Variants in PRDM5 observed in about 807,000 individuals in gnomAD.
The protein encoded by PRDM5 is PR domain zinc finger protein 5.
Under a neutral mutation model 81.2 loss-of-function variants are expected in PRDM5, and 56 were observed. The observed-to-expected ratio is 0.69, with a 90% confidence interval of 0.56 to 0.86. The LOEUF (loss-of-function observed/expected upper bound fraction) is 0.86. Among genes scored for constraint, PRDM5 ranks in the 40% least tolerant of loss-of-function variants. The pLI is 0.00. For synonymous variants in PRDM5, 267 were observed against 256.4 expected, an observed-to-expected ratio of 1.04 and a Z score of -0.39; for missense variants, 697 against 770.1, an observed-to-expected ratio of 0.91 and a Z score of 1.12.
chr4:120,791,611 G>A (rs1317740066), intron 10 of PRDM5, among the ~76,000 whole-genome samples: 1 of 152,170 alleles, frequency 6.6e-6, no homozygotes, highest in African/African-American at 2.4e-5. Context: ...AGGACACTGA[G>A]TGACATCTCA....
At chr4:120,688,173 C>T (rs1733904608), downstream of PRDM5, among the ~76,000 whole-genome samples, 1 of 151,678 alleles carries the variant, frequency 6.6e-6, no homozygotes, top group Admixed American at 6.6e-5. Context: ...AGTGGCCATT[C>T]TAATTGGTGT....
chr4:120,817,014 C>A, intron 5 of PRDM5, 90 bp from the exon 6 acceptor site: 1 of 1,078,828 alleles, frequency 9.3e-7, no homozygotes, highest in Non-Finnish European at 1.4e-6. Context: ...TGAATAAAGT[C>A]ATGTTCGTGA....
chr4:120,897,517 A>G (rs1764776774), intron 2 of PRDM5, among the ~76,000 whole-genome samples: 1 of 152,178 alleles, frequency 6.6e-6, no homozygotes, highest in South Asian at 2.1e-4. Context: ...AAAGTCCTGG[A>G]AAATTCTTAG....
intron 2 of PRDM5, among the ~76,000 whole-genome samples, chr4:120,863,191 T>TATATATATACACACACACAC (rs1553997193): frequency 1.4e-5 from 1 of 70,312 alleles, no homozygotes; most frequent in Non-Finnish European, 2.8e-5. Flanking sequence ...TATATATATA[T>TATATATATACACACACACAC]ACACACACAC....
At chr4:120,804,378 C>T (rs1752601390) in intron 8 of PRDM5, among the ~76,000 whole-genome samples, 2 of 152,096 alleles carry the variant, frequency 1.3e-5, no homozygotes, top group Admixed American at 1.3e-4. Flanking sequence ...ACTCTCCACC[C>T]CAAATCAACA....
chr4:120,809,415 C>A (rs201727485), intron 8 of PRDM5, among the ~76,000 whole-genome samples: 4 of 149,388 alleles, frequency 2.7e-5, no homozygotes, highest in East Asian at 2.0e-4. Flanking sequence ...TTAAAAAAAA[C>A]AAAAAAATGC....
chr4:120,699,155 AATATAAATATATATATATATATATAT>A lies in PRDM5; in HGVS notation c.1729-3906_1729-3881del, dbSNP rs1007397760. 4.9e-3 allele frequency among the ~76,000 whole-genome samples: 442 copies of A among 89,560 alleles called. 6 individuals are homozygous for A. The highest frequency in any genetic ancestry group is 0.018 in the African/African-American group (408 of 22,338). The allele number at this position is 89,560 out of a possible 152,430, so 58.8% of individuals were successfully genotyped here. A position where few individuals can be genotyped will look rare whatever the true frequency, so the allele number is the denominator to read the frequency against. On this transcript the variant is annotated intron_variant, in intron 15 of 15. Transcript: ENST00000264808. The stretch of plus-strand genomic sequence containing the variant: ...AACAAATGTATAGGCAATTATAGGA[AATATAAATATATATATATATATATAT>A]ATATATATATATATATATATATATT...
chr4:120,708,197 T>C (rs1342692555), intron 15 of PRDM5, among the ~76,000 whole-genome samples: 1 of 152,116 alleles, frequency 6.6e-6, no homozygotes, highest in Non-Finnish European at 1.5e-5. Context: ...TGTATGCCCA[T>C]GTTCACCACA....
intron 1 of PRDM5, among the ~76,000 whole-genome samples, chr4:120,914,303 G>A (rs1436448678): frequency 1.3e-5 from 2 of 151,590 alleles, no homozygotes; most frequent in Non-Finnish European, 2.9e-5. Context: ...AATCTCAAGT[G>A]AAAACTACGA....
At chr4:120,717,103 T>C (rs1288744321) in intron 14 of PRDM5, among the ~76,000 whole-genome samples, 4 of 151,890 alleles carry the variant, frequency 2.6e-5, no homozygotes, top group Non-Finnish European at 4.4e-5. Flanking sequence ...AGAGCCTTCC[T>C]GAGTGGAATA....
intron 8 of PRDM5, among the ~76,000 whole-genome samples, chr4:120,805,346 T>C (rs2149305643): frequency 6.6e-6 from 1 of 152,320 alleles, no homozygotes; most frequent in African/African-American, 2.4e-5. Flanking sequence ...CCCTAACTCA[T>C]TTTGTGAGGC....
Position 120,919,252 on chromosome 4 carries a change from T to C in PRDM5, c.93+3264A>G, listed in dbSNP as rs755342885. Reference sequence around the variant, plus strand: ...ATCATTTTGGTAATCTTCCATTTTATACTTGTTTGCTGCCTATCTCCCCAC... The same window carrying C: ...ATCATTTTGGTAATCTTCCATTTTACACTTGTTTGCTGCCTATCTCCCCAC... On this transcript the variant is annotated intron_variant, in intron 1 of 15. Coordinates refer to ENST00000264808, the MANE Select transcript of PRDM5 (RefSeq NM_018699.4). Among the ~76,000 whole-genome samples, 66 of 152,352 alleles carry C rather than the reference T, an allele frequency of 4.3e-4. 2 individuals carry two copies. Among genetic ancestry groups the C allele is most frequent in the South Asian group, 2.5e-3 (12 of 4,828 alleles).
At chr4:120,853,077 T>TA (rs749821169) in intron 3 of PRDM5, among the ~76,000 whole-genome samples, 44 of 152,134 alleles carry the variant, frequency 2.9e-4, no homozygotes, top group Admixed American at 1.8e-3. Context: ...TAACAGAGGG[T>TA]ATAGTACTAT....
At chr4:120,876,771 A>AATTTG (rs1762369912) in intron 2 of PRDM5, among the ~76,000 whole-genome samples, 1 of 152,216 alleles carries the variant, frequency 6.6e-6, no homozygotes, top group African/African-American at 2.4e-5. Context: ...AATTCCCAGG[A>AATTTG]CATGAAGGAA....
chr4:120,713,440 T>C (rs577659561), intron 14 of PRDM5, among the ~76,000 whole-genome samples: 1 of 152,300 alleles, frequency 6.6e-6, no homozygotes, highest in South Asian at 2.1e-4. Context: ...TACAAATTTG[T>C]GATTACTGAT....
chr4:120,823,032 T>C (rs1755491278), intron 3 of PRDM5, among the ~76,000 whole-genome samples: 1 of 152,148 alleles, frequency 6.6e-6, no homozygotes, highest in African/African-American at 2.4e-5. Context: ...TCTCTTTAAC[T>C]CAAAAGCAGC....
downstream of PRDM5, among the ~76,000 whole-genome samples, chr4:120,690,031 T>C (rs543557960): frequency 6.6e-6 from 1 of 152,292 alleles, no homozygotes; most frequent in South Asian, 2.1e-4. Flanking sequence ...CCATACTCTT[T>C]ATATGCCTAC....
intron 13 of PRDM5, among the ~76,000 whole-genome samples, chr4:120,761,694 G>GA (rs1321729728): frequency 3.3e-5 from 5 of 151,878 alleles, no homozygotes; most frequent in African/African-American, 9.7e-5. Context: ...AAATCCTTTC[G>GA]AAAAAATCTA....
intron 3 of PRDM5, among the ~76,000 whole-genome samples, chr4:120,847,709 A>G (rs1758815227): frequency 6.6e-6 from 1 of 152,222 alleles, no homozygotes. Flanking sequence ...ACAATCATAA[A>G]TACATACCAA....
Sources: gnomAD v4.1 joint callset for allele counts (sites outside exome capture counted in the v4.1 genomes callset) on GRCh38, gnomAD v4.1.1 for gene constraint, MANE v1.5 for transcripts, NCBI Gene and HGNC (gene_info 2026-07-23, HGNC 2026-07-21) for gene names.